ZNF483: variants seen among roughly 807,000 people sequenced by gnomAD.
ZNF483 encodes zinc finger protein HIT-10.
In ZNF483, 9 loss-of-function variants were observed where a neutral mutation model predicts 28.6. That is an observed-to-expected ratio of 0.32 (90% CI 0.19 to 0.55). The LOEUF (loss-of-function observed/expected upper bound fraction) is 0.55, where lower values mean the gene tolerates loss of function less well. ZNF483 is among the 20% of genes least tolerant of loss of function. ZNF483 has a pLI of 0.93. For synonymous variants in ZNF483, 322 were observed against 306.2 expected (o/e 1.05, Z -0.54); for missense variants, 675 against 871.7 (o/e 0.77, Z 2.84).
At chr9:111,568,383 T>C (rs1450172786) in intron 5 of ZNF483, among the ~76,000 whole-genome samples, 1 of 152,172 alleles carries the variant, frequency 6.6e-6, no homozygotes, top group Non-Finnish European at 1.5e-5. Context: ...TCAGGCTTAT[T>C]AGGGTGGGGG....
intron 5 of ZNF483, chr9:111,574,705 A>C: frequency 6.6e-7 from 1 of 1,522,816 alleles, no homozygotes; most frequent in Non-Finnish European, 9.1e-7. Context: ...GCCTTGTGAC[A>C]TATGGGATCG....
chr9:111,534,143 CTG>C, intron 4 of ZNF483, 116 bp from the exon 5 acceptor site: 1 of 896,634 alleles, frequency 1.1e-6, no homozygotes, highest in Non-Finnish European at 1.7e-6. Context: ...GTATTTATGT[CTG>C]TGTATTTTGG....
rs759653015 is a variant in ZNF483, at chr9:111,545,535, ATCC to A, written c.*2366_*2368del. On this transcript the variant is annotated 3_prime_UTR_variant, in exon 6 of 6. Coordinates refer to ENST00000309235, the MANE Select transcript of ZNF483 (RefSeq NM_133464.5). Reference sequence around the variant, plus strand: ...ACCATAATCCATTTTTTAGAACATCATCCCAGCAAGATCCGTTATTCCAGTTTA... The same window carrying A: ...ACCATAATCCATTTTTTAGAACATCACAGCAAGATCCGTTATTCCAGTTTA... Among the ~76,000 whole-genome samples, 22 of 152,134 alleles carry A rather than the reference ATCC, an allele frequency of 1.4e-4. 1 individual carries two copies. Among genetic ancestry groups the A allele is most frequent in the Non-Finnish European group, 2.9e-5 (2 of 68,012 alleles).
chr9:111,564,744 G>A (rs1828479970), intron 5 of ZNF483, among the ~76,000 whole-genome samples: 1 of 152,086 alleles, frequency 6.6e-6, no homozygotes, highest in Non-Finnish European at 1.5e-5. Flanking sequence ...TGAATTGTAT[G>A]CCCCCAATCC....
At chr9:111,563,367 G>T in intron 5 of ZNF483, 1 of 851,452 alleles carries the variant, frequency 1.2e-6, no homozygotes, top group Non-Finnish European at 1.7e-6. Context: ...TGTCCTCCAT[G>T]AACTTGAAGT....
downstream of ZNF483, among the ~76,000 whole-genome samples, chr9:111,559,437 C>T (rs187889015): frequency 2.7e-4 from 41 of 152,136 alleles, no homozygotes; most frequent in African/African-American, 8.7e-4. Flanking sequence ...CCTACCCACA[C>T]GGATGACTTC....
intron 5 of ZNF483, among the ~76,000 whole-genome samples, chr9:111,561,106 T>TAGAGAGAGAGAGAGAG (rs1240649497): frequency 3.5e-4 from 8 of 23,176 alleles, no homozygotes; most frequent in African/African-American, 1.1e-3. Context: ...TATATATATA[T>TAGAGAGAGAGAGAGAG]ATATAGAGAG....
Position 111,547,621 on chromosome 9 carries a change from C to G in ZNF483, c.*4451C>G, listed in dbSNP as rs1232696162. Among the ~76,000 whole-genome samples the G allele has an allele frequency of 2.0e-5, 3 of 152,086 alleles. No homozygotes were observed. The highest frequency in any genetic ancestry group is 7.2e-5 in the African/African-American group (3 of 41,424). The stretch of plus-strand genomic sequence containing the variant: ...TTGCCTTTTCATTCTATTCCTAATG[C>G]CCTTTGAAAGAAGGTTTTAATTTTG... On this transcript the variant is annotated 3_prime_UTR_variant, in exon 6 of 6. Coordinates refer to ENST00000309235, the MANE Select transcript of ZNF483 (RefSeq NM_133464.5).
chr9:111,544,017 T>C lies in ZNF483; in HGVS notation c.*847T>C, dbSNP rs996124587. On this transcript the variant is annotated 3_prime_UTR_variant, in exon 6 of 6. Transcript: ENST00000309235. ...AATGCTGTAACTAGGAATGGGTCAGTGAAGTTCAAACGACTTTTCCTTGAG... is the reference window on the plus strand; with the variant it reads ...AATGCTGTAACTAGGAATGGGTCAGCGAAGTTCAAACGACTTTTCCTTGAG... 1.0e-6 allele frequency: 1 copy of C among 985,264 alleles called. No individual in the cohort carries two copies. Among genetic ancestry groups the C allele is most frequent in the Non-Finnish European group, 1.2e-6 (1 of 829,944 alleles). 61.0% of individuals were successfully genotyped at this position (985,264 alleles called of 1,614,324 possible).
At chr9:111,539,130 A>C (rs990794341) in intron 5 of ZNF483, among the ~76,000 whole-genome samples, 4 of 150,740 alleles carry the variant, frequency 2.7e-5, no homozygotes, top group Admixed American at 1.3e-4. Flanking sequence ...AAAAAAAAAA[A>C]AAAAAAAACC....
downstream of ZNF483, among the ~76,000 whole-genome samples, chr9:111,558,272 T>C (rs929179429): frequency 6.6e-6 from 1 of 152,254 alleles, no homozygotes. Flanking sequence ...ATTATCATTA[T>C]CTACATGGAG....
In ZNF483 at chr9:111,543,927, T is replaced by C. The variant is rs1827739908; in HGVS notation, c.*757T>C. The C allele has an allele frequency of 1.0e-6, 1 of 985,290 alleles. No individual in the cohort carries two copies. Among genetic ancestry groups the C allele is most frequent in the Admixed American group, 6.2e-5 (1 of 16,246 alleles). The allele number at this position is 985,290 out of a possible 1,614,324, so 61.0% of individuals were successfully genotyped here. On this transcript the variant is annotated 3_prime_UTR_variant, in exon 6 of 6. Coordinates refer to ENST00000309235, the MANE Select transcript of ZNF483 (RefSeq NM_133464.5). ...ACTCCATCAAGCCTGGTTCCTAGGATGCTGGACTTCTAGCTTAGTGAGAAT... is the reference window on the plus strand; with the variant it reads ...ACTCCATCAAGCCTGGTTCCTAGGACGCTGGACTTCTAGCTTAGTGAGAAT...
rs893143321 is a variant in ZNF483, at chr9:111,549,542, G to C, written c.*6372G>C. On this transcript the variant is annotated 3_prime_UTR_variant, in exon 6 of 6. Coordinates refer to ENST00000309235, the MANE Select transcript of ZNF483 (RefSeq NM_133464.5). ...GATGTTGAGAGGTTCTTCCAGGTTG[G>C]AGTTCTCAGGTCTGTCTCCCTTGTA... Among the ~76,000 whole-genome samples, 10 of 152,106 alleles carry C rather than the reference G, an allele frequency of 6.6e-5. No homozygotes were observed. Among genetic ancestry groups the C allele is most frequent in the Admixed American group, 3.9e-4 (6 of 15,274 alleles).
intron 5 of ZNF483, 68 bp downstream of exon 5, chr9:111,534,421 T>C (rs955682464): frequency 1.5e-6 from 2 of 1,334,356 alleles, no homozygotes; most frequent in African/African-American, 1.4e-5. Flanking sequence ...GAAGACTCTT[T>C]GAAATGTTGG....
In ZNF483 at chr9:111,551,890, A is replaced by G. The variant is rs915412178; in HGVS notation, c.*8720A>G. 1.3e-5 allele frequency among the ~76,000 whole-genome samples: 2 copies of G among 152,176 alleles called. No individual in the cohort carries two copies. Among genetic ancestry groups the G allele is most frequent in the Non-Finnish European group, 2.9e-5 (2 of 68,022 alleles). ...GGAAACAAAACAGTTTATCAATACA[A>G]TATATCATTCTTCAGATTTTGCTTA... On this transcript the variant is annotated 3_prime_UTR_variant, in exon 6 of 6. Coordinates refer to ENST00000309235, the MANE Select transcript of ZNF483 (RefSeq NM_133464.5).
chr9:111,542,652 C>A lies in ZNF483; in HGVS notation c.1717C>A (p.His573Asn). 1 of 1,614,020 alleles carries A rather than the reference C, an allele frequency of 6.2e-7. No individual in the cohort carries two copies. The highest frequency in any genetic ancestry group is 8.5e-7 in the Non-Finnish European group (1 of 1,179,992). ...SSSLSKHQRI[H>N]TGEKPYKCGE... is the part of the protein sequence containing the mutation. ...ATCCCTTTCCAAACATCAGAGAATT[C>A]ATACTGGAGAGAAACCCTATAAATG... The change falls in exon 6 of 6, where the codon CAT (histidine) becomes AAT (asparagine). Residue 573 changes from histidine (H) to asparagine (N), a missense_variant. Around this residue, in one of 6 missense-constraint regions of ZNF483, gnomAD observed 4 missense variants for 34.3 expected, o/e 0.12. Transcript: ENST00000309235. The surrounding 1 kb of genome is among the most constrained non-coding windows in gnomAD (Gnocchi z 6.2).
chr9:111,566,519 A>G (rs1323890435), intron 5 of ZNF483, among the ~76,000 whole-genome samples: 1 of 152,200 alleles, frequency 6.6e-6, no homozygotes, highest in Admixed American at 6.5e-5. Context: ...TCCCCTGTAA[A>G]ACTAAAATAA....
intron 5 of ZNF483, among the ~76,000 whole-genome samples, chr9:111,538,126 G>GTT (rs368334957): frequency 7.0e-5 from 10 of 142,676 alleles, no homozygotes; most frequent in African/African-American, 2.5e-4. Context: ...TTTTGGGGTT[G>GTT]TTTTTTTTTT....
chr9:111,566,097 G>A (rs1828549304), intron 5 of ZNF483, among the ~76,000 whole-genome samples: 1 of 152,060 alleles, frequency 6.6e-6, no homozygotes, highest in Non-Finnish European at 1.5e-5. Context: ...CAGCTACTTG[G>A]GAGGCTGAAG....
Sources: allele counts gnomAD v4.1 joint callset (sites outside exome capture counted in the v4.1 genomes callset), GRCh38; gene constraint gnomAD v4.1.1; regional missense constraint gnomAD v4.1.1; non-coding constraint Gnocchi (gnomAD v3.1); transcripts MANE v1.5; gene names NCBI Gene and HGNC (gene_info 2026-07-23, HGNC 2026-07-21).